TMEM26: variants seen among roughly 807,000 people sequenced by gnomAD.
TMEM26 encodes the protein transmembrane protein 26.
TMEM26 carries 38 observed loss-of-function variants against 28.8 expected under a neutral mutation model. That is an observed-to-expected ratio of 1.32 (90% CI 1.02 to 1.73). TMEM26 has a LOEUF of 1.73. TMEM26 is among the 40% of genes most tolerant of loss of function. The probability of loss-of-function intolerance (pLI) is 0.00; values close to 1 mark genes in which losing one functional copy is unlikely to be tolerated. For missense variants in TMEM26, 518 were observed against 447.1 expected, an observed-to-expected ratio of 1.16 and a Z score of -1.43; for synonymous variants, 227 against 182.9, an observed-to-expected ratio of 1.24 and a Z score of -1.95.
intron 1 of TMEM26, among the ~76,000 whole-genome samples, chr10:61,443,036 C>A (rs1476831220): frequency 6.6e-6 from 1 of 152,164 alleles, no homozygotes; most frequent in Non-Finnish European, 1.5e-5. Flanking sequence ...ATCATTACCT[C>A]CCTTCCCAAA....
At chr10:61,434,846 A>G (rs761101271) in intron 2 of TMEM26, among the ~76,000 whole-genome samples, 6 of 152,222 alleles carry the variant, frequency 3.9e-5, no homozygotes, top group African/African-American at 4.8e-5. Context: ...ATAGGGTTAC[A>G]TATTGGGGGC....
At chr10:61,430,471 GAAAAT>G (rs1839902629) in intron 3 of TMEM26, among the ~76,000 whole-genome samples, 1 of 146,738 alleles carries the variant, frequency 6.8e-6, no homozygotes, top group Admixed American at 6.9e-5. Context: ...AATAAGACGA[GAAAAT>G]AAAATAAAAG....
chr10:61,418,930 C>G lies in TMEM26; in HGVS notation c.606-5395G>C, dbSNP rs79152662. Among the ~76,000 whole-genome samples, 390 of 152,204 alleles carry G rather than the reference C, an allele frequency of 2.6e-3. 1 individual carries two copies. The highest frequency in any genetic ancestry group is 9.0e-3 in the African/African-American group (374 of 41,544). ...ACATCTTGAACTCTAAATGTGCTAT[C>G]CACTCCATGCACAGATCATCAAAGA... On this transcript the variant is annotated intron_variant, in intron 4 of 5. Coordinates refer to ENST00000399298, the MANE Select transcript of TMEM26 (RefSeq NM_178505.8).
chr10:61,432,764 C>A (rs929383029), intron 2 of TMEM26, among the ~76,000 whole-genome samples: 3 of 152,044 alleles, frequency 2.0e-5, no homozygotes, highest in African/African-American at 7.2e-5. Flanking sequence ...CTGCAAGAAG[C>A]TGTTTTTTCT....
chr10:61,436,287 A>C (rs760530823), intron 1 of TMEM26, 39 bp from the exon 2 acceptor site: 1 of 1,393,280 alleles, frequency 7.2e-7, no homozygotes, highest in Middle Eastern at 2.2e-4. Context: ...TAGCTAATTT[A>C]AGCTAATTTT....
chr10:61,447,607 C>T (rs1049815790), intron 1 of TMEM26, among the ~76,000 whole-genome samples: 5 of 152,028 alleles, frequency 3.3e-5, no homozygotes, highest in East Asian at 1.9e-4. Context: ...TAAAGAAATT[C>T]GGAAGAGTTT....
chr10:61,441,159 C>G (rs956556643), intron 1 of TMEM26, among the ~76,000 whole-genome samples: 1 of 152,130 alleles, frequency 6.6e-6, no homozygotes, highest in Non-Finnish European at 1.5e-5. Flanking sequence ...GAAGGGCTGA[C>G]CGTATACTCT....
intron 4 of TMEM26, among the ~76,000 whole-genome samples, chr10:61,416,372 G>T (rs997799115): frequency 1.3e-5 from 2 of 152,024 alleles, no homozygotes; most frequent in African/African-American, 4.8e-5. Flanking sequence ...TCTAATTCCA[G>T]ATTGATCAGT....
At position 61,431,407 on chromosome 10, in the gene TMEM26, C is replaced by T. The variant is rs1839920985; in HGVS notation, c.271-75G>A. On this transcript the variant is annotated intron_variant, in intron 2 of 5. Coordinates refer to ENST00000399298, the MANE Select transcript of TMEM26 (RefSeq NM_178505.8). ...TGGTAGAGATCAAAATGACTTAAATCTGTTCAAGAGATTATGAGCAGATAT... is the reference window on the plus strand; with the variant it reads ...TGGTAGAGATCAAAATGACTTAAATTTGTTCAAGAGATTATGAGCAGATAT... 3.8e-6 allele frequency: 4 copies of T among 1,054,144 alleles called. No individual in the cohort carries two copies. In the East Asian group the frequency reaches 7.2e-5, roughly 19 times the overall value. 65.3% of individuals were successfully genotyped at this position (1,054,144 alleles called of 1,614,324 possible).
At chr10:61,410,873 T>C (rs1284567522) in intron 5 of TMEM26, 127 bp from the exon 6 acceptor site, 2 of 1,003,020 alleles carry the variant, frequency 2.0e-6, no homozygotes, top group Non-Finnish European at 2.9e-6. Flanking sequence ...AATTACAGGA[T>C]GGAAATCAAA....
At chr10:61,422,436 T>G (rs894057600) in intron 4 of TMEM26, among the ~76,000 whole-genome samples, 2 of 151,964 alleles carry the variant, frequency 1.3e-5, no homozygotes, top group African/African-American at 4.8e-5. Context: ...TTAAAAAAAC[T>G]TAAACAATTT....
chr10:61,410,617 A>G lies in TMEM26; in HGVS notation c.812T>C (p.Val271Ala). Reference sequence around the variant, plus strand: ...GAAATAGGTCATCAGTATGAGACGCACGACAAGGAAGGGGCCATCTTGTAT... The same window carrying G: ...GAAATAGGTCATCAGTATGAGACGCGCGACAAGGAAGGGGCCATCTTGTAT... ...VFIQDGPFLVVRLILMTYFKV... is the reference protein window; with the variant it reads ...VFIQDGPFLVARLILMTYFKV... The change falls in exon 6 of 6, where the codon GTG becomes GCG. Residue 271 changes from valine (V) to alanine (A), a missense_variant. Coordinates refer to ENST00000399298, the MANE Select transcript of TMEM26 (RefSeq NM_178505.8). 6.2e-7 allele frequency: 1 copy of G among 1,614,134 alleles called. No individual in the cohort carries two copies. The highest frequency in any genetic ancestry group is 8.5e-7 in the Non-Finnish European group (1 of 1,180,014).
intron 5 of TMEM26, chr10:61,412,839 C>G: frequency 1.3e-6 from 1 of 765,608 alleles, no homozygotes; most frequent in Non-Finnish European, 1.9e-6. Context: ...CAATGCAGCC[C>G]TAGATTATTG....
chr10:61,425,328 G>C (rs1820542131), intron 4 of TMEM26, among the ~76,000 whole-genome samples: 1 of 152,120 alleles, frequency 6.6e-6, no homozygotes, highest in Admixed American at 6.5e-5. Flanking sequence ...GATTTGGGCA[G>C]GGACACAGCC....
intron 1 of TMEM26, among the ~76,000 whole-genome samples, chr10:61,443,772 C>T (rs1020836643): frequency 3.3e-5 from 5 of 151,956 alleles, no homozygotes; most frequent in African/African-American, 9.7e-5. Context: ...ACCCCATATA[C>T]CTCACTCAAT....
rs1275187636 is a variant in TMEM26, at chr10:61,436,267, A to G, written c.192-19T>C. The G allele has an allele frequency of 6.6e-7, 1 of 1,522,930 alleles. No homozygotes were observed. The highest frequency in any genetic ancestry group is 8.9e-7 in the Non-Finnish European group (1 of 1,121,222). The allele number at this position is 1,522,930 out of a possible 1,614,324, so 94.3% of individuals were successfully genotyped here. A position where few individuals can be genotyped will look rare whatever the true frequency, so the allele number is the denominator to read the frequency against. On this transcript the variant is annotated intron_variant, in intron 1 of 5. Coordinates refer to ENST00000399298, the MANE Select transcript of TMEM26 (RefSeq NM_178505.8). ...TGAAAACCTGTGAAAAGAGAGAAGA[A>G]AAAATAGTTTAGCTAATTTAAGCTA...
rs190922405 is a variant in TMEM26, at chr10:61,413,554, G to A, written c.606-19C>T. ...ACTATTCCTAGAATACAGACAAAAT[G>A]TTAAATTTGTAATAAAAAGTATGAT... On this transcript the variant is annotated intron_variant, in intron 4 of 5. Coordinates refer to ENST00000399298, the MANE Select transcript of TMEM26 (RefSeq NM_178505.8). 288 of 1,579,710 alleles carry A rather than the reference G, an allele frequency of 1.8e-4. No homozygotes were observed. The highest frequency in any genetic ancestry group is 1.3e-3 in the Admixed American group (71 of 52,876).
rs77250634 is a variant in TMEM26, at chr10:61,437,238, A to G, written c.192-990T>C. Among the ~76,000 whole-genome samples the G allele has an allele frequency of 6.5e-3, 991 of 152,216 alleles. 29 individuals are homozygous for G. Among genetic ancestry groups the G allele is most frequent in the East Asian group, 0.062 (321 of 5,158 alleles). Reference sequence around the variant, plus strand: ...ACCTTTAAGACCTTATTTAACCTTAATGACCAAATTAATCTCCAAATATTG... The same window carrying G: ...ACCTTTAAGACCTTATTTAACCTTAGTGACCAAATTAATCTCCAAATATTG... On this transcript the variant is annotated intron_variant, in intron 1 of 5. Transcript: ENST00000399298.
At chr10:61,410,879 T>A (rs555323577) in intron 5 of TMEM26, 133 bp from the exon 6 acceptor site, 4 of 935,386 alleles carry the variant, frequency 4.3e-6, no homozygotes, top group Non-Finnish European at 6.4e-6. Flanking sequence ...AGGATGGAAA[T>A]CAAATGGAAT....
Sources: allele counts gnomAD v4.1 joint callset (sites outside exome capture counted in the v4.1 genomes callset), GRCh38; gene constraint gnomAD v4.1.1; transcripts MANE v1.5; gene names NCBI Gene and HGNC (gene_info 2026-07-23, HGNC 2026-07-21).